Variants in COL21A1 observed in about 807,000 individuals in gnomAD.
The protein encoded by COL21A1 is collagen alpha-1(XXI) chain.
COL21A1 carries 149 observed loss-of-function variants against 137.9 expected under a neutral mutation model. That is an observed-to-expected ratio of 1.08 (90% confidence interval 0.95 to 1.24). The LOEUF (loss-of-function observed/expected upper bound fraction) is 1.24. Ranked by LOEUF, COL21A1 falls within the 50% of genes most tolerant of loss-of-function variation. COL21A1 has a pLI of 0.00. For synonymous variants in COL21A1, 456 were observed against 391.5 expected, an observed-to-expected ratio of 1.16 and a Z score of -1.95; for missense variants, 1,167 against 1,158.4, an observed-to-expected ratio of 1.01 and a Z score of -0.11.
intron 18 of COL21A1, among the ~76,000 whole-genome samples, chr6:56,076,506 T>C (rs1488777110): frequency 6.6e-6 from 1 of 151,382 alleles, no homozygotes; most frequent in East Asian, 1.9e-4. Context: ...AGACTATTAG[T>C]ACTGAAAATA....
At chr6:56,142,100 G>A (rs1161346448) in intron 10 of COL21A1, 117 bp from the exon 11 acceptor site, 24 of 695,328 alleles carry the variant, frequency 3.5e-5, no homozygotes, top group Non-Finnish European at 1.7e-5. Flanking sequence ...TTCACTTAGA[G>A]ACAAATCCAA....
intron 16 of COL21A1, among the ~76,000 whole-genome samples, chr6:56,110,339 A>T (rs1275484393): frequency 6.6e-6 from 1 of 151,008 alleles, no homozygotes. Context: ...ATAAAAGGGA[A>T]TTTTCTCATC....
At chr6:56,351,298 G>C (rs1765705726) in intron 1 of COL21A1, among the ~76,000 whole-genome samples, 1 of 152,230 alleles carries the variant, frequency 6.6e-6, no homozygotes, top group South Asian at 2.1e-4. Context: ...AATGCTGAGA[G>C]GGATACAGAA....
chr6:56,218,298 A>T (rs929648361), intron 1 of COL21A1, among the ~76,000 whole-genome samples: 4 of 150,128 alleles, frequency 2.7e-5, no homozygotes, highest in Non-Finnish European at 4.4e-5. Context: ...TGGCTTTGTA[A>T]AAAAAAAAAG....
chr6:56,304,311 CA>C (rs1229778778), intron 1 of COL21A1, among the ~76,000 whole-genome samples: 3 of 151,854 alleles, frequency 2.0e-5, no homozygotes, highest in African/African-American at 7.3e-5. Context: ...GGAATGGTAC[CA>C]GCTCCTCCTT....
Position 56,060,928 on chromosome 6 carries a change from G to A in COL21A1, c.2315C>T (p.Pro772Leu). The A allele has an allele frequency of 6.3e-7, 1 of 1,580,040 alleles. No homozygotes were observed. Among genetic ancestry groups the A allele is most frequent in the Non-Finnish European group, 8.6e-7 (1 of 1,168,608 alleles). ...CAAACCTGGGGGTCCCTGAGGACCT[G>A]GATCCCCAGGTTGCCCCTTAGGACC... ...PAGPKGQPGD[P>L]GPQGPPGLDG... Residue 772 changes from proline to leucine, a missense_variant, in exon 26 of 30, where the codon CCA becomes CTA. Coordinates refer to ENST00000244728, the MANE Select transcript of COL21A1 (RefSeq NM_030820.4).
At chr6:56,097,955 AAAT>A (rs1769628048) in intron 17 of COL21A1, among the ~76,000 whole-genome samples, 1 of 96,358 alleles carries the variant, frequency 1.0e-5, no homozygotes, top group Non-Finnish European at 1.8e-5. Flanking sequence ...ATAAATATAA[AAAT>A]ATATATAAAT....
intron 1 of COL21A1, among the ~76,000 whole-genome samples, chr6:56,290,884 T>C (rs1369665871): frequency 1.3e-5 from 2 of 152,206 alleles, no homozygotes; most frequent in Non-Finnish European, 2.9e-5. Context: ...AGGTGACATA[T>C]GGCCATTCCT....
At chr6:56,069,149 A>T in intron 21 of COL21A1, 32 bp from the exon 22 acceptor site, 1 of 1,427,538 alleles carries the variant, frequency 7.0e-7, no homozygotes, top group Non-Finnish European at 9.7e-7. Context: ...GAAAGATCAC[A>T]GATCTACTGC....
At chr6:56,380,474 T>C (rs970457383) in intron 1 of COL21A1, among the ~76,000 whole-genome samples, 1 of 152,198 alleles carries the variant, frequency 6.6e-6, no homozygotes, top group African/African-American at 2.4e-5. Flanking sequence ...TGATCCTCAT[T>C]ATTCATGAAT....
At chr6:56,322,219 A>T (rs1325305644) in intron 1 of COL21A1, among the ~76,000 whole-genome samples, 1 of 152,120 alleles carries the variant, frequency 6.6e-6, no homozygotes, top group Non-Finnish European at 1.5e-5. Context: ...GAAAACTGCA[A>T]TGCCTGCAGC....
chr6:56,377,304 A>T (rs1026844336), intron 1 of COL21A1, among the ~76,000 whole-genome samples: 3 of 152,100 alleles, frequency 2.0e-5, no homozygotes, highest in Non-Finnish European at 2.9e-5. Context: ...AAACAGTCTT[A>T]AATCACAGAT....
At chr6:56,087,510 A>G (rs1220676457) in intron 17 of COL21A1, among the ~76,000 whole-genome samples, 3 of 152,180 alleles carry the variant, frequency 2.0e-5, no homozygotes, top group Admixed American at 6.5e-5. Flanking sequence ...GTCCCTTACT[A>G]GCAATGTACT....
intron 1 of COL21A1, among the ~76,000 whole-genome samples, chr6:56,298,062 C>A (rs1367334730): frequency 6.7e-6 from 1 of 149,246 alleles, no homozygotes; most frequent in Admixed American, 6.7e-5. Context: ...TCCTGGAGTT[C>A]AATTTCTTTT....
intron 1 of COL21A1, among the ~76,000 whole-genome samples, chr6:56,366,476 T>A (rs1054087975): frequency 3.0e-4 from 1 of 3,380 alleles, no homozygotes; most frequent in Non-Finnish European, 4.1e-4. Flanking sequence ...AAAATAAATA[T>A]GTTTTTTAGA....
intron 16 of COL21A1, 101 bp downstream of exon 16, chr6:56,123,961 C>T: frequency 2.1e-6 from 2 of 968,248 alleles, no homozygotes; most frequent in Non-Finnish European, 3.0e-6. Flanking sequence ...TATCCCAATG[C>T]CACATGTTAA....
At chr6:56,259,586 TA>T (rs1216757833) in intron 1 of COL21A1, among the ~76,000 whole-genome samples, 1 of 152,240 alleles carries the variant, frequency 6.6e-6, no homozygotes, top group Non-Finnish European at 1.5e-5. Flanking sequence ...GTGATGAGAT[TA>T]GATGTTCTTG....
intron 17 of COL21A1, among the ~76,000 whole-genome samples, chr6:56,078,375 T>G (rs1053959539): frequency 6.6e-6 from 1 of 151,590 alleles, no homozygotes; most frequent in Admixed American, 6.6e-5. Context: ...TCTTAGCACC[T>G]ATTTTGGTGA....
intron 1 of COL21A1, among the ~76,000 whole-genome samples, chr6:56,230,259 G>A (rs761673265): frequency 4.6e-5 from 7 of 151,842 alleles, no homozygotes; most frequent in Non-Finnish European, 8.8e-5. Context: ...AAGGCTGGGG[G>A]AATCTTGTAT....
Sources: gnomAD v4.1 joint callset for allele counts (sites outside exome capture counted in the v4.1 genomes callset) on GRCh38, gnomAD v4.1.1 for gene constraint, MANE v1.5 for transcripts, NCBI Gene and HGNC (gene_info 2026-07-23, HGNC 2026-07-21) for gene names.